MKLN1: variants seen among roughly 807,000 people sequenced by gnomAD.
MKLN1 encodes muskelin 1.
A neutral mutation model predicts 99.0 loss-of-function variants in MKLN1; 18 were observed. The observed-to-expected ratio is 0.18, with a 90% CI of 0.13 to 0.27. MKLN1 has a LOEUF of 0.27. MKLN1 is among the 10% of genes least tolerant of loss of function. The pLI is 1.00. For synonymous variants in MKLN1, 288 were observed against 293.2 expected (o/e 0.98, Z 0.18); for missense variants, 621 against 875.9 (o/e 0.71, Z 3.67).
At chr7:131,470,251 A>G (rs1399612886) in intron 15 of MKLN1, among the ~76,000 whole-genome samples, 1 of 152,204 alleles carries the variant, frequency 6.6e-6, no homozygotes, top group Non-Finnish European at 1.5e-5. Context: ...TGATACATGT[A>G]AAATACTTGA....
intron 2 of MKLN1, 89 bp downstream of exon 2, chr7:131,375,582 A>G: frequency 1.3e-6 from 1 of 767,262 alleles, no homozygotes; most frequent in Admixed American, 2.2e-5. Flanking sequence ...ATCTACTAAT[A>G]GTTTATTCTC....
intron 3 of MKLN1, among the ~76,000 whole-genome samples, chr7:131,223,353 C>T (rs17814135): frequency 0.15 from 22,141 of 152,186 alleles, 1,871 homozygotes; most frequent in South Asian, 0.25. Context: ...AGCCATAGCT[C>T]GGAACATCAC....
intron 3 of MKLN1, among the ~76,000 whole-genome samples, chr7:131,235,484 T>C (rs995681399): frequency 2.6e-5 from 4 of 152,192 alleles, no homozygotes; most frequent in African/African-American, 9.7e-5. Context: ...CAAAAGCGGC[T>C]GTCACCTTCG....
chr7:131,411,481 A>G, intron 7 of MKLN1, 98 bp downstream of exon 7: 1 of 833,466 alleles, frequency 1.2e-6, no homozygotes, highest in East Asian at 2.6e-5. Flanking sequence ...AGTTAATAAA[A>G]AAGAAGATGT....
intron 17 of MKLN1, among the ~76,000 whole-genome samples, chr7:131,482,109 G>T (rs1797140744): frequency 6.6e-6 from 1 of 152,218 alleles, no homozygotes; most frequent in Admixed American, 6.5e-5. Flanking sequence ...TAGAAAGTAT[G>T]AATTGGAGCA....
intron 3 of MKLN1, among the ~76,000 whole-genome samples, chr7:131,301,698 T>G (rs1798379345): frequency 6.6e-6 from 1 of 152,150 alleles, no homozygotes. Flanking sequence ...TGACCTGCTC[T>G]CCAAACTTCC....
chr7:131,416,129 A>G (rs976251829), intron 8 of MKLN1, among the ~76,000 whole-genome samples: 3 of 152,198 alleles, frequency 2.0e-5, no homozygotes, highest in Non-Finnish European at 2.9e-5. Flanking sequence ...GTAGTTTGCT[A>G]TAATAATATA....
At chr7:131,268,566 G>A (rs1053308507) in intron 3 of MKLN1, among the ~76,000 whole-genome samples, 11 of 152,136 alleles carry the variant, frequency 7.2e-5, no homozygotes, top group Non-Finnish European at 1.5e-4. Flanking sequence ...TCTTCCGTGG[G>A]GTTCCCAGAG....
chr7:131,360,249 C>G (rs562053811), intron 1 of MKLN1, among the ~76,000 whole-genome samples: 1 of 152,106 alleles, frequency 6.6e-6, no homozygotes, highest in Non-Finnish European at 1.5e-5. Context: ...CTCTAACAGC[C>G]TGTCTTCTAA....
At chr7:131,345,192 AG>A (rs1276558776) in intron 1 of MKLN1, among the ~76,000 whole-genome samples, 5 of 152,226 alleles carry the variant, frequency 3.3e-5, no homozygotes, top group African/African-American at 1.2e-4. Context: ...TTAGTAGTAC[AG>A]GAACAGTCCA....
chr7:131,229,935 G>A (rs1310318275), intron 3 of MKLN1, among the ~76,000 whole-genome samples: 1 of 152,170 alleles, frequency 6.6e-6, no homozygotes, highest in Non-Finnish European at 1.5e-5. Flanking sequence ...GTTTCGTGAT[G>A]GCTTTGCAGG....
At position 131,276,498 on chromosome 7, in the gene MKLN1, G is replaced by T. The variant is rs574400719; in HGVS notation, c.-179+73524G>T. Among the ~76,000 whole-genome samples the T allele has an allele frequency of 2.6e-5, 4 of 152,300 alleles. No individual in the cohort carries two copies. In the South Asian group the frequency reaches 8.3e-4, roughly 32 times the overall value. On this transcript the variant is annotated intron_variant, in intron 3 of 7. Coordinates refer to the MKLN1 transcript ENST00000416992. ...ATCCCGAGAGGATGGGGACAGCAGC[G>T]TTCCAATGGCACATGAAAGGTGGGT...
At chr7:131,407,990 T>C (rs542725569) in intron 6 of MKLN1, among the ~76,000 whole-genome samples, 1 of 152,278 alleles carries the variant, frequency 6.6e-6, no homozygotes, top group South Asian at 2.1e-4. Flanking sequence ...GTAACATACA[T>C]CTGAGAGCTT....
At chr7:131,143,782 C>T (rs189092237) in intron 2 of MKLN1, among the ~76,000 whole-genome samples, 150 of 152,212 alleles carry the variant, frequency 9.9e-4, no homozygotes, top group African/African-American at 3.5e-3. Context: ...GAGCCATGAT[C>T]ACAACACTGC....
intron 2 of MKLN1, among the ~76,000 whole-genome samples, chr7:131,201,957 G>A (rs556421320): frequency 1.3e-5 from 2 of 152,198 alleles, no homozygotes; most frequent in East Asian, 3.9e-4. Context: ...CTGTCTAAAT[G>A]TACTTATGTA....
intron 2 of MKLN1, among the ~76,000 whole-genome samples, chr7:131,178,114 C>T (rs1796325765): frequency 6.6e-6 from 1 of 151,878 alleles, no homozygotes; most frequent in African/African-American, 2.4e-5. Context: ...CTGCTTACAA[C>T]TTACTGTTTT....
chr7:131,393,135 T>G (rs1314367957), intron 4 of MKLN1, among the ~76,000 whole-genome samples: 3 of 152,190 alleles, frequency 2.0e-5, no homozygotes, highest in Admixed American at 2.0e-4. Flanking sequence ...ACAGGGATGT[T>G]GATTATATTC....
chr7:131,207,250 G>A (rs545149191), intron 3 of MKLN1, among the ~76,000 whole-genome samples: 8 of 151,854 alleles, frequency 5.3e-5, no homozygotes, highest in East Asian at 1.9e-4. Context: ...TCTGTCACCC[G>A]GGCTGGAGTG....
chr7:131,213,318 A>G (rs778520771), intron 3 of MKLN1, among the ~76,000 whole-genome samples: 1 of 152,204 alleles, frequency 6.6e-6, no homozygotes, highest in Non-Finnish European at 1.5e-5. Context: ...GTTGTACATT[A>G]TTCTCTTGCT....
Sources: allele counts gnomAD v4.1 joint callset (sites outside exome capture counted in the v4.1 genomes callset), GRCh38; gene constraint gnomAD v4.1.1; transcripts MANE v1.5; gene names NCBI Gene and HGNC (gene_info 2026-07-23, HGNC 2026-07-21).